The following EPHA6 variants were observed in gnomAD, a reference collection of about 807,000 sequenced individuals.
EPHA6 encodes the protein EPH receptor A6.
In EPHA6, 50 loss-of-function variants were observed where a neutral mutation model predicts 112.0. The ratio of observed to expected loss-of-function variants is 0.45; its 90% confidence interval spans 0.36 to 0.56. The LOEUF (loss-of-function observed/expected upper bound fraction) is 0.56, where lower values mean the gene tolerates loss of function less well. Among genes scored for constraint, EPHA6 ranks in the 20% least tolerant of loss-of-function variants. EPHA6 has a pLI of 0.00. For missense variants in EPHA6, 1,280 were observed against 1,417.4 expected, an observed-to-expected ratio of 0.90 and a Z score of 1.56; for synonymous variants, 529 against 490.7, an observed-to-expected ratio of 1.08 and a Z score of -1.03.
intron 5 of EPHA6, among the ~76,000 whole-genome samples, chr3:97,245,210 G>A (rs1019598395): frequency 6.6e-6 from 1 of 152,032 alleles, no homozygotes; most frequent in African/African-American, 2.4e-5. Flanking sequence ...TCATAGCTTT[G>A]CAGGCTAGAA....
At chr3:97,616,680 T>G (rs1319825161) in intron 13 of EPHA6, among the ~76,000 whole-genome samples, 1 of 151,962 alleles carries the variant, frequency 6.6e-6, no homozygotes, top group African/African-American at 2.4e-5. Context: ...GGGAAGAATC[T>G]CAGAACTTAA....
chr3:97,317,214 A>G lies in EPHA6; in HGVS notation c.1606+72927A>G, dbSNP rs2081886225. 4.6e-5 allele frequency among the ~76,000 whole-genome samples: 7 copies of G among 151,900 alleles called. No individual in the cohort carries two copies. The South Asian group carries it at 1.4e-3, about 31-fold the overall frequency. On this transcript the variant is annotated intron_variant, in intron 5 of 17. Coordinates refer to ENST00000389672, the MANE Select transcript of EPHA6 (RefSeq NM_001080448.3). ...TGTTATGGTTTTCTGCAGGAAAAGTATATCTCCCAAAAGAAGATCAACAAA... is the reference window on the plus strand; with the variant it reads ...TGTTATGGTTTTCTGCAGGAAAAGTGTATCTCCCAAAAGAAGATCAACAAA...
intron 5 of EPHA6, among the ~76,000 whole-genome samples, chr3:97,358,867 T>C (rs959628982): frequency 1.3e-5 from 2 of 152,124 alleles, no homozygotes; most frequent in African/African-American, 4.8e-5. Flanking sequence ...ACTTTGAATG[T>C]ATCATCCCAC....
intron 10 of EPHA6, among the ~76,000 whole-genome samples, chr3:97,484,555 A>C (rs532578801): frequency 2.0e-5 from 3 of 152,206 alleles, no homozygotes. Context: ...TTATTATTCA[A>C]CTATCCTGAA....
intron 3 of EPHA6, among the ~76,000 whole-genome samples, chr3:96,988,953 A>G (rs1169028637): frequency 1.3e-5 from 2 of 152,140 alleles, no homozygotes; most frequent in South Asian, 2.1e-4. Flanking sequence ...CCCCTAATAA[A>G]GAGCATACGT....
intron 3 of EPHA6, among the ~76,000 whole-genome samples, chr3:97,064,266 A>G (rs1576420247): frequency 6.6e-6 from 1 of 152,152 alleles, no homozygotes; most frequent in African/African-American, 2.4e-5. Context: ...ATGAATATCA[A>G]GTTTTATCAT....
chr3:97,442,549 G>T (rs1212054408), intron 6 of EPHA6, among the ~76,000 whole-genome samples: 1 of 152,110 alleles, frequency 6.6e-6, no homozygotes, highest in Non-Finnish European at 1.5e-5. Context: ...CAGCCTGGTT[G>T]ACAGGACGAG....
intron 3 of EPHA6, among the ~76,000 whole-genome samples, chr3:97,160,499 C>T (rs185210509): frequency 2.0e-5 from 3 of 151,904 alleles, no homozygotes; most frequent in Admixed American, 6.6e-5. Flanking sequence ...AGGCTGGTTT[C>T]GAACTCCTGA....
chr3:97,594,854 T>C (rs1255695084), intron 12 of EPHA6, among the ~76,000 whole-genome samples: 1 of 152,232 alleles, frequency 6.6e-6, no homozygotes, highest in African/African-American at 2.4e-5. Context: ...TGAAGGTTGA[T>C]GCCCACTGGG....
At chr3:97,643,518 C>T (rs1474265635) in intron 14 of EPHA6, among the ~76,000 whole-genome samples, 2 of 145,794 alleles carry the variant, frequency 1.4e-5, no homozygotes, top group Non-Finnish European at 3.0e-5. Context: ...AGAGTCAAGA[C>T]CCATCAGTGT....
chr3:97,069,370 T>C (rs2046282814), intron 3 of EPHA6, among the ~76,000 whole-genome samples: 1 of 152,128 alleles, frequency 6.6e-6, no homozygotes, highest in African/African-American at 2.4e-5. Flanking sequence ...AGAGGAAGGG[T>C]TGGTTTTTCT....
At chr3:97,148,239 G>A (rs1001811923) in intron 3 of EPHA6, among the ~76,000 whole-genome samples, 3 of 152,032 alleles carry the variant, frequency 2.0e-5, no homozygotes, top group African/African-American at 7.2e-5. Context: ...GGAGGCTGAG[G>A]CAGAAAGATT....
At chr3:97,688,880 A>C (rs1390834034) in intron 14 of EPHA6, among the ~76,000 whole-genome samples, 3 of 152,212 alleles carry the variant, frequency 2.0e-5, no homozygotes, top group African/African-American at 7.2e-5. Flanking sequence ...CCTTTCATTC[A>C]TAAAAGAGCT....
intron 10 of EPHA6, among the ~76,000 whole-genome samples, chr3:97,492,224 G>T (rs1252364549): frequency 2.6e-5 from 4 of 151,908 alleles, no homozygotes. Flanking sequence ...AATCAGCCTT[G>T]GGTTAGGTAT....
intron 3 of EPHA6, among the ~76,000 whole-genome samples, chr3:97,074,395 A>G (rs577673996): frequency 4.6e-5 from 7 of 152,032 alleles, no homozygotes; most frequent in Admixed American, 3.9e-4. Flanking sequence ...AGTGTAGAAG[A>G]GTTTTTCTTT....
chr3:97,511,639 GCCCTATAAC>G (rs542394004), intron 10 of EPHA6, among the ~76,000 whole-genome samples: 315 of 152,204 alleles, frequency 2.1e-3, no homozygotes, highest in Middle Eastern at 0.01. Context: ...CATCTTGCTA[GCCCTATAAC>G]CTGCTTTTAG....
chr3:96,967,938 T>C (rs890027814), intron 2 of EPHA6, among the ~76,000 whole-genome samples: 1 of 151,900 alleles, frequency 6.6e-6, no homozygotes, highest in Non-Finnish European at 1.5e-5. Context: ...TTAGCAATTA[T>C]TGTTTGACAA....
chr3:97,167,835 A>C (rs1281882539), intron 3 of EPHA6, among the ~76,000 whole-genome samples: 3 of 151,938 alleles, frequency 2.0e-5, no homozygotes, highest in Non-Finnish European at 2.9e-5. Context: ...TTGGAATCCA[A>C]ATATTCTTAA....
At chr3:97,168,565 C>A (rs1313253986) in intron 3 of EPHA6, among the ~76,000 whole-genome samples, 1 of 149,636 alleles carries the variant, frequency 6.7e-6, no homozygotes, top group Non-Finnish European at 1.5e-5. Context: ...TTTTCTCTCT[C>A]TTTCTCTCTG....
Sources: gnomAD v4.1 joint callset for allele counts (sites outside exome capture counted in the v4.1 genomes callset) on GRCh38, gnomAD v4.1.1 for gene constraint, MANE v1.5 for transcripts, NCBI Gene and HGNC (gene_info 2026-07-23, HGNC 2026-07-21) for gene names.